The following ENTPD7 variants were observed in gnomAD, a reference collection of about 807,000 sequenced individuals.
ENTPD7 encodes the protein NTPDase 7.
ENTPD7 carries 53 observed loss-of-function variants against 77.9 expected under a neutral mutation model. The observed-to-expected ratio is 0.68, with a 90% CI of 0.55 to 0.85. The LOEUF (loss-of-function observed/expected upper bound fraction) is 0.85. Among genes scored for constraint, ENTPD7 ranks in the 40% least tolerant of loss-of-function variants. ENTPD7 has a pLI of 0.00. For synonymous variants in ENTPD7, 248 were observed against 274.9 expected, an observed-to-expected ratio of 0.90 and a Z score of 0.97; for missense variants, 636 against 743.7, an observed-to-expected ratio of 0.86 and a Z score of 1.68.
At chr10:99,699,506 T>C (rs536802698) in intron 10 of ENTPD7, among the ~76,000 whole-genome samples, 1 of 152,324 alleles carries the variant, frequency 6.6e-6, no homozygotes, top group East Asian at 1.9e-4. Context: ...GGCCATCTCT[T>C]TGAATTGTTG....
intron 3 of ENTPD7, among the ~76,000 whole-genome samples, chr10:99,674,402 G>A (rs1020053367): frequency 1.3e-5 from 2 of 152,152 alleles, no homozygotes; most frequent in South Asian, 2.1e-4. Context: ...TTGTGACACA[G>A]ATCTCCAGAA....
At chr10:99,700,130 A>G (rs1427195296) in intron 10 of ENTPD7, among the ~76,000 whole-genome samples, 1 of 151,890 alleles carries the variant, frequency 6.6e-6, no homozygotes, top group Admixed American at 6.6e-5. Flanking sequence ...CTAACTATCC[A>G]TGGCCTGACT....
At chr10:99,680,122 C>T (rs2035734765) in intron 5 of ENTPD7, among the ~76,000 whole-genome samples, 1 of 152,150 alleles carries the variant, frequency 6.6e-6, no homozygotes, top group Admixed American at 6.5e-5. Context: ...GATCATCGGG[C>T]ACATAGAGAA....
chr10:99,679,149 G>A (rs2035720320), intron 3 of ENTPD7, 112 bp from the exon 4 acceptor site: 6 of 972,910 alleles, frequency 6.2e-6, no homozygotes, highest in Non-Finnish European at 4.7e-6. Context: ...GTAGTCCCAT[G>A]TGCTTAGCAC....
intron 3 of ENTPD7, among the ~76,000 whole-genome samples, chr10:99,673,321 C>T (rs985149912): frequency 7.0e-6 from 1 of 143,172 alleles, no homozygotes; most frequent in Non-Finnish European, 1.5e-5. Context: ...TTATATATGA[C>T]AAAAAAAAAA....
intron 3 of ENTPD7, among the ~76,000 whole-genome samples, chr10:99,666,381 T>C (rs2035551371): frequency 6.6e-6 from 1 of 152,142 alleles, no homozygotes. Flanking sequence ...CTAGTTTTTG[T>C]ATTTTTTAGT....
chr10:99,692,942 GAA>G, intron 8 of ENTPD7, among the ~76,000 whole-genome samples: 1 of 152,284 alleles, frequency 6.6e-6, no homozygotes, highest in Middle Eastern at 3.4e-3. Flanking sequence ...GTAGGAGAAA[GAA>G]TATAGGTCAC....
At position 99,685,796 on chromosome 10, in the gene ENTPD7, C is replaced by T. The variant is rs1481191608; in HGVS notation, c.553C>T (p.Gln185Ter). 2 of 1,612,704 alleles carry T rather than the reference C, an allele frequency of 1.2e-6. No homozygotes were observed. The highest frequency in any genetic ancestry group is 1.7e-6 in the Non-Finnish European group (2 of 1,178,918). The stretch of plus-strand genomic sequence containing the variant: ...ATTTTTTGTTCTTTCTTGCAGGAAG[C>T]AGTTGGCTATCTTGGCTGACCTAGT... ...AGMRLLPERKQLAILADLVKD... is the reference protein window; with the variant it reads ...AGMRLLPERK Residue 185 changes from glutamine (Q) to a stop codon, truncating the protein, a stop_gained, in exon 6 of 13, where the codon CAG (glutamine) becomes TAG (stop). Coordinates refer to ENST00000370489, the MANE Select transcript of ENTPD7 (RefSeq NM_020354.5). LOFTEE classifies it high-confidence loss of function.
rs540618488 is a variant in ENTPD7 at position 99,711,198 on chromosome 10, A to T, written c.*6515A>T. The T allele has an allele frequency of 4.1e-6, 4 of 985,404 alleles. No homozygotes were observed. In the African/African-American group the frequency reaches 7.0e-5, roughly 17 times the overall value. 61.0% of individuals were successfully genotyped at this position (985,404 alleles called of 1,614,324 possible). A position where few individuals can be genotyped will look rare whatever the true frequency, so the allele number is the denominator to read the frequency against. On this transcript the variant is annotated 3_prime_UTR_variant, in exon 13 of 13. Transcript: ENST00000370489. ...AGTTGTTTTTCCAAATGTACTCATCATCTGTAATAAAAGAAAAATGAAGTA... is the reference window on the plus strand; with the variant it reads ...AGTTGTTTTTCCAAATGTACTCATCTTCTGTAATAAAAGAAAAATGAAGTA...
At chr10:99,701,954 AGG>A (rs2036141960) in intron 11 of ENTPD7, among the ~76,000 whole-genome samples, 1 of 151,974 alleles carries the variant, frequency 6.6e-6, no homozygotes, top group Non-Finnish European at 1.5e-5. Context: ...AGGCTGAGGC[AGG>A]GAGAATTGCT....
intron 4 of ENTPD7, 46 bp from the exon 5 acceptor site, chr10:99,679,679 C>A: frequency 6.3e-7 from 1 of 1,576,320 alleles, no homozygotes; most frequent in Non-Finnish European, 8.6e-7. Flanking sequence ...CTTATGTGAG[C>A]CGCTTTTTAA....
intron 2 of ENTPD7, 113 bp from the exon 3 acceptor site, chr10:99,661,333 C>G: frequency 1.2e-6 from 1 of 834,040 alleles, no homozygotes; most frequent in Non-Finnish European, 1.8e-6. Flanking sequence ...ATTTAGACTT[C>G]TGTTGGCATG....
chr10:99,701,192 G>A (rs1347903679), intron 11 of ENTPD7, 134 bp downstream of exon 11: 1 of 814,792 alleles, frequency 1.2e-6, no homozygotes, highest in Admixed American at 2.4e-5. Context: ...GATTTTCTCA[G>A]GGATAGGGGC....
At chr10:99,689,895 C>A (rs2035859553) in intron 7 of ENTPD7, among the ~76,000 whole-genome samples, 1 of 152,128 alleles carries the variant, frequency 6.6e-6, no homozygotes, top group African/African-American at 2.4e-5. Context: ...TCTTTGGTTA[C>A]CCTGACATAT....
chr10:99,688,821 A>G, intron 7 of ENTPD7, 71 bp downstream of exon 7: 1 of 1,392,024 alleles, frequency 7.2e-7, no homozygotes, highest in South Asian at 1.3e-5. Flanking sequence ...TATCAGTAGC[A>G]TGTAAATGCA....
chr10:99,690,831 A>T (rs1168350536), intron 7 of ENTPD7, among the ~76,000 whole-genome samples: 1 of 152,148 alleles, frequency 6.6e-6, no homozygotes, highest in African/African-American at 2.4e-5. Context: ...AACCAACAAT[A>T]TTGTTAACAA....
chr10:99,670,049 G>A (rs987571181), intron 3 of ENTPD7, among the ~76,000 whole-genome samples: 44 of 152,172 alleles, frequency 2.9e-4, no homozygotes, highest in African/African-American at 1.0e-3. Flanking sequence ...GCGCCCGGCC[G>A]AGATGTGTGT....
chr10:99,663,115 C>T (rs1304966554), intron 3 of ENTPD7, among the ~76,000 whole-genome samples: 1 of 152,050 alleles, frequency 6.6e-6, no homozygotes, highest in African/African-American at 2.4e-5. Flanking sequence ...TTGCTTTTAC[C>T]TCAAGAACAT....
chr10:99,709,389 A>G lies in ENTPD7; in HGVS notation c.*4706A>G, dbSNP rs1048842896. 7.1e-6 allele frequency: 7 copies of G among 985,306 alleles called. No individual in the cohort carries two copies. In the African/African-American group the frequency reaches 1.2e-4, roughly 17 times the overall value. The allele number at this position is 985,306 out of a possible 1,614,324, so 61.0% of individuals were successfully genotyped here. On this transcript the variant is annotated 3_prime_UTR_variant, in exon 13 of 13. Coordinates refer to ENST00000370489, the MANE Select transcript of ENTPD7 (RefSeq NM_020354.5). ...AATAGCAGATGTTTCAAATTCTCCC[A>G]TATTAGTCTCTTAGGGACGCTAGCT...
Sources: allele counts gnomAD v4.1 joint callset (sites outside exome capture counted in the v4.1 genomes callset), GRCh38; gene constraint gnomAD v4.1.1; transcripts MANE v1.5; gene names NCBI Gene and HGNC (gene_info 2026-07-23, HGNC 2026-07-21).